Variants in PAPPA2 observed in about 807,000 individuals in gnomAD.
The protein encoded by PAPPA2 is pappalysin 2.
PAPPA2 carries 86 observed loss-of-function variants against 176.4 expected under a neutral mutation model. That is an observed-to-expected ratio of 0.49 (90% CI 0.41 to 0.58). The LOEUF (loss-of-function observed/expected upper bound fraction) is 0.58. Ranked by LOEUF, PAPPA2 falls within the 20% of genes least tolerant of loss-of-function variation. The pLI is 0.00. For missense variants in PAPPA2, 2,073 were observed against 2,256.9 expected (o/e 0.92, Z 1.65); for synonymous variants, 809 against 852.2 (o/e 0.95, Z 0.88).
At chr1:176,464,781 A>G (rs1433452940) in intron 1 of PAPPA2, among the ~76,000 whole-genome samples, 1 of 152,156 alleles carries the variant, frequency 6.6e-6, no homozygotes, top group African/African-American at 2.4e-5. Context: ...TCCAAATCAT[A>G]TAAATAGTTT....
chr1:176,487,097 A>T (rs1652678797), intron 1 of PAPPA2, among the ~76,000 whole-genome samples: 1 of 152,250 alleles, frequency 6.6e-6, no homozygotes, highest in Admixed American at 6.5e-5. Context: ...CAGCACCCTC[A>T]GATAATTTGA....
chr1:176,498,659 A>G (rs1048393010), intron 1 of PAPPA2, among the ~76,000 whole-genome samples: 2 of 151,726 alleles, frequency 1.3e-5, no homozygotes, highest in Non-Finnish European at 2.9e-5. Flanking sequence ...CTGAGGCAGG[A>G]GAATCACCTG....
intron 1 of PAPPA2, among the ~76,000 whole-genome samples, chr1:176,549,037 T>C (rs1392548291): frequency 6.6e-6 from 1 of 152,206 alleles, no homozygotes; most frequent in Admixed American, 6.5e-5. Context: ...CTAATACTAC[T>C]ACCATCTCAG....
At chr1:176,817,733 A>G (rs1048495974) in intron 21 of PAPPA2, among the ~76,000 whole-genome samples, 1 of 152,072 alleles carries the variant, frequency 6.6e-6, no homozygotes, top group African/African-American at 2.4e-5. Context: ...CTGTTAAAAA[A>G]AAAAAAAGAA....
At chr1:176,702,033 T>A (rs1397219921) in intron 8 of PAPPA2, among the ~76,000 whole-genome samples, 1 of 152,200 alleles carries the variant, frequency 6.6e-6, no homozygotes. Context: ...TGGGGAGTTG[T>A]TTAATGCATT....
intron 3 of PAPPA2, among the ~76,000 whole-genome samples, chr1:176,650,525 A>C (rs1467881901): frequency 6.6e-6 from 1 of 151,598 alleles, no homozygotes; most frequent in Non-Finnish European, 1.5e-5. Context: ...TGTCATTTAC[A>C]TTAGGTATGT....
At chr1:176,620,368 C>G (rs1655516791) in intron 3 of PAPPA2, among the ~76,000 whole-genome samples, 1 of 152,062 alleles carries the variant, frequency 6.6e-6, no homozygotes, top group Non-Finnish European at 1.5e-5. Context: ...TATATTGATG[C>G]TATTTAGGCC....
intron 12 of PAPPA2, among the ~76,000 whole-genome samples, chr1:176,718,158 A>G (rs1249372600): frequency 6.6e-6 from 1 of 152,126 alleles, no homozygotes; most frequent in Non-Finnish European, 1.5e-5. Flanking sequence ...TCTTAAGTCA[A>G]TTTTAATAAG....
At chr1:176,600,136 G>A (rs1327539830) in intron 3 of PAPPA2, among the ~76,000 whole-genome samples, 1 of 152,204 alleles carries the variant, frequency 6.6e-6, no homozygotes. Context: ...CTATGGAAAG[G>A]ATAAGGGCTA....
chr1:176,500,062 A>G (rs895762227), intron 1 of PAPPA2, among the ~76,000 whole-genome samples: 1 of 152,204 alleles, frequency 6.6e-6, no homozygotes, highest in South Asian at 2.1e-4. Flanking sequence ...GTGGGTTTAC[A>G]TGGATAATTG....
intron 12 of PAPPA2, among the ~76,000 whole-genome samples, chr1:176,716,902 C>T (rs1022625625): frequency 3.9e-5 from 6 of 152,116 alleles, no homozygotes; most frequent in South Asian, 4.1e-4. Context: ...TGAGACACTG[C>T]GCCCGGCCAC....
chr1:176,478,570 A>C (rs1652245057), intron 1 of PAPPA2, among the ~76,000 whole-genome samples: 1 of 152,234 alleles, frequency 6.6e-6, no homozygotes, highest in African/African-American at 2.4e-5. Flanking sequence ...CTGGCATCAC[A>C]TCAGATCCCA....
In PAPPA2 at chr1:176,671,080, C is replaced by T. The variant is rs773274240; in HGVS notation, c.2102C>T (p.Thr701Ile). Residue 701 changes from threonine (T) to isoleucine (I), a missense_variant, in exon 4 of 23, where the codon ACC becomes ATC. By Grantham distance (89) the Thr-to-Ile change is moderately conservative (BLOSUM62 -1). Around this residue, in one of 4 missense-constraint regions of PAPPA2, gnomAD observed 1,196 missense variants for 1,330.4 expected, o/e 0.90. Transcript: ENST00000367662. ...CGGGAAGACCTTGCAGGTGCTGCCA[C>T]CTGGCCTTGGGACAAGGACGCTGTC... ...SVREDLAGAATWPWDKDAVTH... is the reference protein window; with the variant it reads ...SVREDLAGAAIWPWDKDAVTH... 6.2e-7 allele frequency: 1 copy of T among 1,613,912 alleles called. No homozygotes were observed. The highest frequency in any genetic ancestry group is 1.1e-5 in the South Asian group (1 of 91,090).
At chr1:176,601,056 G>A (rs1216909596) in intron 3 of PAPPA2, among the ~76,000 whole-genome samples, 2 of 152,182 alleles carry the variant, frequency 1.3e-5, no homozygotes, top group African/African-American at 4.8e-5. Context: ...TGAAGCAACA[G>A]TGTTGAGAGG....
At position 176,784,515 on chromosome 1, in the gene PAPPA2, C is replaced by T. The variant is rs114650556; in HGVS notation, c.4716-5294C>T. 3.2e-3 allele frequency among the ~76,000 whole-genome samples: 488 copies of T among 151,984 alleles called. 5 individuals carry two copies. Among genetic ancestry groups the T allele is most frequent in the African/African-American group, 0.011 (451 of 41,410 alleles). ...AACACACATTTGTTTCTCACAGGTC[C>T]AGAGCTTGAGAAGTCCAAGGTGCTG... is the stretch of plus-strand genomic sequence containing the variant. On this transcript the variant is annotated intron_variant, in intron 17 of 22. Transcript: ENST00000367662.
chr1:176,781,403 G>A (rs1436240323), intron 17 of PAPPA2, among the ~76,000 whole-genome samples: 1 of 80,414 alleles, frequency 1.2e-5, no homozygotes, highest in African/African-American at 4.9e-5. Flanking sequence ...TTTTTTGTCA[G>A]GGAAGAAGGC....
chr1:176,835,773 C>T (rs1667249312), intron 21 of PAPPA2, among the ~76,000 whole-genome samples: 1 of 152,180 alleles, frequency 6.6e-6, no homozygotes, highest in South Asian at 2.1e-4. Flanking sequence ...CCGCCTCGGC[C>T]TCCCAAAGTG....
At chr1:176,516,888 G>A (rs1036381104) in intron 1 of PAPPA2, among the ~76,000 whole-genome samples, 5 of 152,176 alleles carry the variant, frequency 3.3e-5, no homozygotes, top group African/African-American at 1.2e-4. Context: ...ATTCATTTGT[G>A]TGGATAGTTT....
intron 3 of PAPPA2, among the ~76,000 whole-genome samples, chr1:176,651,586 G>A (rs759341834): frequency 6.6e-6 from 1 of 151,256 alleles, no homozygotes; most frequent in African/African-American, 2.4e-5. Flanking sequence ...TATATGACTC[G>A]GAGTAGACTT....
Sources: allele counts gnomAD v4.1 joint callset (sites outside exome capture counted in the v4.1 genomes callset), GRCh38; gene constraint gnomAD v4.1.1; regional missense constraint gnomAD v4.1.1; transcripts MANE v1.5; gene names NCBI Gene and HGNC (gene_info 2026-07-23, HGNC 2026-07-21).